The following PLEC variants were observed in gnomAD, a reference collection of about 807,000 sequenced individuals.
The protein encoded by PLEC is plectin.
In PLEC, 216 loss-of-function variants were observed where a neutral mutation model predicts 392.8. The observed-to-expected ratio is 0.55, with a 90% CI of 0.49 to 0.62. The LOEUF (loss-of-function observed/expected upper bound fraction) is 0.62. Among genes scored for constraint, PLEC ranks in the 20% least tolerant of loss-of-function variants. The pLI, the probability that PLEC is intolerant of heterozygous loss-of-function variation, is 0.00. For missense variants in PLEC, 6,863 were observed against 6,563.4 expected, an observed-to-expected ratio of 1.05 and a Z score of -1.58; for synonymous variants, 3,621 against 2,980.6, an observed-to-expected ratio of 1.21 and a Z score of -7.00.
rs976620376 is a variant in PLEC at position 143,930,197 on chromosome 8, G to A, written c.2559C>T (p.Ser853=). ...TGGGCGGGGGCACCAGGAAGCACAC[G>A]GAGGGCACGGCGGCCTCGCTGCCGG... ...SSSGSEAAVP[S]VCFLVPPPNQ... is the part of the protein sequence containing the mutation. Residue 853 remains serine, a synonymous_variant, in exon 21 of 32, where the codon TCC becomes TCT. Transcript: ENST00000345136. The A allele has an allele frequency of 5.4e-5, 85 of 1,579,540 alleles. No homozygotes were observed. Among genetic ancestry groups the A allele is most frequent in the Middle Eastern group, 1.8e-4 (1 of 5,594 alleles).
Position 143,923,543 on chromosome 8 carries a change from G to C in PLEC, c.6386C>G (p.Ala2129Gly). The change falls in exon 31 of 32, where the codon GCT becomes GGT. Residue 2129 changes from alanine (A) to glycine (G), a missense_variant. Ala to Gly is a moderately conservative substitution (Grantham distance 60, BLOSUM62 0). Coordinates refer to ENST00000345136, the MANE Select transcript of PLEC (RefSeq NM_201384.3). ...CTTCTCTGCAGCCGCCTGTGCCTGA[G>C]CCCGGGCCTGTGCCTGCTCCTCTGC... Reference protein sequence around the residue: ...QSAEEQAQARAQAQAAAEKLR... With the variant: ...QSAEEQAQARGQAQAAAEKLR... 1 of 1,597,688 alleles carries C rather than the reference G, an allele frequency of 6.3e-7. No individual in the cohort carries two copies. Among genetic ancestry groups the C allele is most frequent in the Non-Finnish European group, 8.5e-7 (1 of 1,178,070 alleles).
At chr8:143,943,769 C>A (rs73377225), upstream of PLEC, 2,038 of 1,609,984 alleles carry the variant, frequency 1.3e-3, 29 homozygotes, top group African/African-American at 0.025. Flanking sequence ...CAGCCACCAG[C>A]GGGGCTTACC....
At chr8:143,939,132 C>T (rs1003708921) in intron 1 of PLEC, among the ~76,000 whole-genome samples, 1 of 152,216 alleles carries the variant, frequency 6.6e-6, no homozygotes, top group Admixed American at 6.5e-5. Context: ...CAGAGTTCCT[C>T]GCCCTTCCAG....
At chr8:143,958,763 C>T (rs558197475), upstream of PLEC, 7 of 370,394 alleles carry the variant, frequency 1.9e-5, no homozygotes, top group South Asian at 1.3e-4. The surrounding 1 kb of genome is among the most constrained non-coding windows in gnomAD (Gnocchi z 4.9). Flanking sequence ...TCCATGGTGG[C>T]TCCCCCTTCC....
Position 143,932,948 on chromosome 8 carries a change from G to T in PLEC, c.1582C>A (p.Leu528Met). Reference protein sequence around the residue: ...EDSTLRYLQDLLAWVEENQHR... With the variant: ...EDSTLRYLQDMLAWVEENQHR... ...TGGTTCTCCTCCACCCAGGCCAGCAGGTCCTGCAGGTAGCGCAGAGTGGAG... is the reference window on the plus strand; with the variant it reads ...TGGTTCTCCTCCACCCAGGCCAGCATGTCCTGCAGGTAGCGCAGAGTGGAG... The change falls in exon 14 of 32, where the codon CTG becomes ATG. Residue 528 changes from leucine (L) to methionine (M), a missense_variant. Transcript: ENST00000345136. 6.2e-7 allele frequency: 1 copy of T among 1,612,676 alleles called. No homozygotes were observed. Among genetic ancestry groups the T allele is most frequent in the South Asian group, 1.1e-5 (1 of 91,074 alleles).
At chr8:143,942,433 G>A (rs376204169), upstream of PLEC, 123 of 1,604,420 alleles carry the variant, frequency 7.7e-5, no homozygotes, top group African/African-American at 2.3e-4. Context: ...CCTGCGGGCC[G>A]GCTCGCAGCC....
Position 143,921,007 on chromosome 8 carries a change from C to T in PLEC, c.8814G>A (p.Arg2938=), listed in dbSNP as rs782204221. ...TGCGGAACTGCCGCAGCAGGTCCCGCCGCTGCTCTGCCGTGAAGTATTCCG... is the reference window on the plus strand; with the variant it reads ...TGCGGAACTGCCGCAGCAGGTCCCGTCGCTGCTCTGCCGTGAAGTATTCCG... ...INSEYFTAEQ[R]RDLLRQFRTG... Residue 2938 remains arginine, a synonymous_variant, in exon 32 of 32, where the codon CGG becomes CGA. Coordinates refer to ENST00000345136, the MANE Select transcript of PLEC (RefSeq NM_201384.3). 1 of 1,613,254 alleles carries T rather than the reference C, an allele frequency of 6.2e-7. No homozygotes were observed. Among genetic ancestry groups the T allele is most frequent in the Non-Finnish European group, 8.5e-7 (1 of 1,180,028 alleles).
At chr8:143,954,022 A>G (rs936883760), upstream of PLEC, 2 of 915,640 alleles carry the variant, frequency 2.2e-6, no homozygotes, top group African/African-American at 1.8e-5. The surrounding 1 kb of genome is among the most constrained non-coding windows in gnomAD (Gnocchi z 4.6). Flanking sequence ...AACCCCAGCC[A>G]GACTGCCAGG....
At chr8:143,930,622 G>GT in intron 19 of PLEC, 86 bp from the exon 20 acceptor site, 4 of 1,411,294 alleles carry the variant, frequency 2.8e-6, no homozygotes, top group Non-Finnish European at 3.9e-6. Flanking sequence ...GACCAGGCCT[G>GT]TGGGGCCCTC....
Position 143,921,212 on chromosome 8 carries a change from C to T in PLEC, c.8609G>A (p.Arg2870His), listed in dbSNP as rs781845486. The T allele has an allele frequency of 2.4e-5, 39 of 1,613,922 alleles. No homozygotes were observed. The highest frequency in any genetic ancestry group is 1.2e-4 in the Admixed American group (7 of 60,008). The change falls in exon 32 of 32, where the codon CGC becomes CAC. Residue 2870 changes from arginine to histidine, a missense_variant. Coordinates refer to ENST00000345136, the MANE Select transcript of PLEC (RefSeq NM_201384.3). ...GCCCGTCTCGGGGTCCTCCACGCAG[C>T]GCTCCAGTAGCTGCAGGTACGTGAG... ...ENLTYLQLLE[R>H]CVEDPETGLC...
At chr8:143,965,945 C>T (rs1412244621) in intron 1 of PLEC, among the ~76,000 whole-genome samples, 5 of 152,172 alleles carry the variant, frequency 3.3e-5, no homozygotes, top group East Asian at 3.9e-4. Context: ...TGACCTGCTG[C>T]GGCCTAGCCT....
At chr8:143,926,705 C>A (rs888389013) in intron 30 of PLEC, 79 bp downstream of exon 30, 2 of 1,202,654 alleles carry the variant, frequency 1.7e-6, no homozygotes, top group Non-Finnish European at 1.2e-6. Flanking sequence ...TGGCCTCAGG[C>A]AGCTCCTGTG....
chr8:143,944,612 A>C (rs1554731085), intron 1 of PLEC: 1 of 1,265,858 alleles, frequency 7.9e-7, no homozygotes, highest in African/African-American at 1.5e-5. Flanking sequence ...GCAAGGGGCC[A>C]GGATTTCACA....
In PLEC at chr8:143,925,035, C is replaced by T. The variant is rs1824484386; in HGVS notation, c.4894G>A (p.Glu1632Lys). ...RAREEAEREL[E>K]RWQLKANEAL... ...TCGTTGGCCTTGAGCTGCCAGCGCTCCAGCTCCCGCTCTGCCTCCTCGCGC... is the reference window on the plus strand; with the variant it reads ...TCGTTGGCCTTGAGCTGCCAGCGCTTCAGCTCCCGCTCTGCCTCCTCGCGC... Residue 1632 changes from glutamate to lysine, a missense_variant, in exon 31 of 32, where the codon GAG (glutamate) becomes AAG (lysine). Transcript: ENST00000345136. 6.4e-7 allele frequency: 1 copy of T among 1,560,846 alleles called. No individual in the cohort carries two copies. The highest frequency in any genetic ancestry group is 8.6e-7 in the Non-Finnish European group (1 of 1,160,856).
upstream of PLEC, chr8:143,975,239 C>G: frequency 6.2e-7 from 1 of 1,606,992 alleles, no homozygotes; most frequent in South Asian, 1.1e-5. This position sits in a 1 kb window ranked among gnomAD's most constrained non-coding sequence, Gnocchi z 9.9. Context: ...CCCAGCGCCA[C>G]CCCCGCTGCG....
chr8:143,939,581 G>A lies in PLEC; in HGVS notation c.-120C>T, dbSNP rs995705806. On this transcript the variant is annotated 5_prime_UTR_variant, in exon 1 of 32. Transcript: ENST00000345136. ...CCCACGAGACGCTCACTCGGCACAG[G>A]CTCAGCTCAGAGCCCCAGTCGGTGC... The A allele has an allele frequency of 1.3e-6, 2 of 1,516,044 alleles. No individual in the cohort carries two copies. Among genetic ancestry groups the A allele is most frequent in the Non-Finnish European group, 1.8e-6 (2 of 1,133,796 alleles). The allele number at this position is 1,516,044 out of a possible 1,614,324, so 93.9% of individuals were successfully genotyped here.
chr8:143,968,422 T>C (rs1395107056), intron 1 of PLEC, among the ~76,000 whole-genome samples: 2 of 149,720 alleles, frequency 1.3e-5, no homozygotes, highest in African/African-American at 2.5e-5. Context: ...ATACAAAAAT[T>C]AGCCAGGTGT....
chr8:143,918,125 C>A lies in PLEC; in HGVS notation c.11696G>T (p.Arg3899Leu), dbSNP rs782307503. ...CGTGGCCTCGTCCATGACCTGCGAG[C>A]GCACCAGCTCCTCCATGGTGATCTG... ...RKQITMEELV[R>L]SQVMDEATAL... The change falls in exon 32 of 32, where the codon CGC becomes CTC. Residue 3899 changes from arginine to leucine, a missense_variant. By Grantham distance (102) the Arg-to-Leu change is moderately radical. Transcript: ENST00000345136. 4 of 1,598,838 alleles carry A rather than the reference C, an allele frequency of 2.5e-6. No individual in the cohort carries two copies. The Admixed American group carries it at 6.7e-5, about 27-fold the overall frequency.
At chr8:143,950,918 G>C, upstream of PLEC, 1 of 981,636 alleles carries the variant, frequency 1.0e-6, no homozygotes, top group Non-Finnish European at 1.4e-6. Context: ...TGCAATCCCT[G>C]CCGGCACTGC....
Sources: allele counts gnomAD v4.1 joint callset (sites outside exome capture counted in the v4.1 genomes callset), GRCh38; gene constraint gnomAD v4.1.1; non-coding constraint Gnocchi (gnomAD v3.1); transcripts MANE v1.5; gene names NCBI Gene and HGNC (gene_info 2026-07-23, HGNC 2026-07-21).